Variants in TXNRD1 observed in about 807,000 individuals in gnomAD.
TXNRD1 encodes the protein thioredoxin reductase 1, cytoplasmic.
Under a neutral mutation model 80.3 loss-of-function variants are expected in TXNRD1, and 57 were observed. The ratio of observed to expected loss-of-function variants is 0.71; its 90% confidence interval spans 0.57 to 0.89. The LOEUF is 0.89. TXNRD1 is among the 40% of genes least tolerant of loss of function. The probability of loss-of-function intolerance (pLI) is 0.00; values close to 1 mark genes in which losing one functional copy is unlikely to be tolerated. For synonymous variants in TXNRD1, 291 were observed against 285.2 expected (o/e 1.02, Z -0.20); for missense variants, 730 against 803.0 (o/e 0.91, Z 1.10).
intron 2 of TXNRD1, among the ~76,000 whole-genome samples, chr12:104,255,497 G>A (rs920004986): frequency 6.6e-6 from 1 of 152,032 alleles, no homozygotes; most frequent in African/African-American, 2.4e-5. Flanking sequence ...TTATTTGCAT[G>A]CTTATTTAAA....
At chr12:104,287,114 G>A in intron 3 of TXNRD1, 5 of 1,477,984 alleles carry the variant, frequency 3.4e-6, no homozygotes, top group Non-Finnish European at 3.6e-6. Context: ...ATTCTTGTAA[G>A]CTCTGCGTCG....
At chr12:104,227,947 T>C (rs889676560) in intron 1 of TXNRD1, among the ~76,000 whole-genome samples, 3 of 152,202 alleles carry the variant, frequency 2.0e-5, no homozygotes, top group Non-Finnish European at 2.9e-5. Flanking sequence ...GATATTTAGA[T>C]TTTTTCCATT....
At chr12:104,257,201 C>T (rs996391422) in intron 2 of TXNRD1, among the ~76,000 whole-genome samples, 1 of 151,138 alleles carries the variant, frequency 6.6e-6, no homozygotes, top group Non-Finnish European at 1.5e-5. Flanking sequence ...TGTTTTTTAC[C>T]AGTATAATTT....
intron 16 of TXNRD1, among the ~76,000 whole-genome samples, chr12:104,340,508 G>GCTC (rs1024736960): frequency 1.3e-5 from 2 of 152,144 alleles, no homozygotes; most frequent in African/African-American, 4.8e-5. Flanking sequence ...GCAGGGCCAA[G>GCTC]CTCCCTCCAA....
intron 3 of TXNRD1, among the ~76,000 whole-genome samples, chr12:104,274,214 G>C (rs995800727): frequency 1.3e-5 from 2 of 152,080 alleles, no homozygotes; most frequent in African/African-American, 4.8e-5. Flanking sequence ...ATTCAAACCA[G>C]GGCCTAGAGC....
intron 3 of TXNRD1, among the ~76,000 whole-genome samples, chr12:104,283,699 C>T (rs935622185): frequency 1.3e-5 from 2 of 151,916 alleles, no homozygotes; most frequent in Non-Finnish European, 2.9e-5. Context: ...GGAGAAACCC[C>T]GTCTATACTA....
intron 4 of TXNRD1, among the ~76,000 whole-genome samples, chr12:104,307,074 C>T (rs751805774): frequency 5.3e-5 from 8 of 152,066 alleles, no homozygotes; most frequent in Non-Finnish European, 1.0e-4. Context: ...ACTTCTGTTT[C>T]TATTTTTACT....
intron 2 of TXNRD1, among the ~76,000 whole-genome samples, chr12:104,257,198 T>C (rs2033271818): frequency 1.3e-5 from 2 of 151,930 alleles, no homozygotes; most frequent in Admixed American, 6.6e-5. Flanking sequence ...TTTTGTTTTT[T>C]ACCAGTATAA....
At chr12:104,305,650 CTA>C (rs1409134185) in intron 4 of TXNRD1, among the ~76,000 whole-genome samples, 2 of 152,184 alleles carry the variant, frequency 1.3e-5, no homozygotes, top group Non-Finnish European at 2.9e-5. Context: ...TATGGAAAAA[CTA>C]TTATATTTGA....
intron 16 of TXNRD1, among the ~76,000 whole-genome samples, chr12:104,344,840 T>C (rs2036441114): frequency 6.6e-6 from 1 of 152,170 alleles, no homozygotes; most frequent in Non-Finnish European, 1.5e-5. Context: ...AATCTGCAAA[T>C]AGAGCTACCA....
chr12:104,316,667 G>A (rs2035338547), intron 7 of TXNRD1, among the ~76,000 whole-genome samples: 2 of 152,202 alleles, frequency 1.3e-5, no homozygotes, highest in South Asian at 2.1e-4. Flanking sequence ...GGGATTACAG[G>A]TGTGAGCCAC....
intron 3 of TXNRD1, among the ~76,000 whole-genome samples, chr12:104,280,062 CA>C (rs34627940): frequency 3.2e-4 from 27 of 84,614 alleles, no homozygotes; most frequent in East Asian, 2.0e-3. Flanking sequence ...GACTCTGTCT[CA>C]AAAAAAAAAA....
chr12:104,273,559 C>T (rs1440275246), intron 3 of TXNRD1, among the ~76,000 whole-genome samples: 1 of 152,154 alleles, frequency 6.6e-6, no homozygotes, highest in East Asian at 1.9e-4. Context: ...CGTCACTGCA[C>T]TCCAGTCTGG....
chr12:104,286,606 C>A, intron 3 of TXNRD1: 30 of 476,290 alleles, frequency 6.3e-5, no homozygotes, highest in Middle Eastern at 1.1e-3. Flanking sequence ...TTTTTTTAAA[C>A]GCAGAGGCCC....
At chr12:104,323,728 G>A (rs2035643750) in intron 10 of TXNRD1, among the ~76,000 whole-genome samples, 1 of 135,506 alleles carries the variant, frequency 7.4e-6, no homozygotes, top group African/African-American at 2.8e-5. Flanking sequence ...GGGCAGAGGG[G>A]CTCCTCACTT....
intron 4 of TXNRD1, among the ~76,000 whole-genome samples, chr12:104,292,392 C>T (rs374645930): frequency 2.9e-4 from 36 of 122,482 alleles, no homozygotes; most frequent in African/African-American, 7.9e-4. Flanking sequence ...CCCGCCCCCC[C>T]GCCTTTTTTT....
chr12:104,329,386 C>G (rs1486877707), intron 13 of TXNRD1, among the ~76,000 whole-genome samples: 1 of 151,810 alleles, frequency 6.6e-6, no homozygotes, highest in Non-Finnish European at 1.5e-5. Context: ...CACAGTGGCT[C>G]ACACCTGTAA....
intron 3 of TXNRD1, among the ~76,000 whole-genome samples, chr12:104,276,312 G>T (rs190479359): frequency 6.6e-6 from 1 of 152,326 alleles, no homozygotes; most frequent in Non-Finnish European, 1.5e-5. Flanking sequence ...GCAGTGACAT[G>T]TAAGTATAGA....
At chr12:104,325,774 A>G (rs1187777444) in intron 11 of TXNRD1, among the ~76,000 whole-genome samples, 3 of 151,794 alleles carry the variant, frequency 2.0e-5, no homozygotes, top group African/African-American at 4.8e-5. Context: ...CGGGACGTTG[A>G]GGCAGGAGAA....
Sources: gnomAD v4.1 joint callset for allele counts (sites outside exome capture counted in the v4.1 genomes callset) on GRCh38, gnomAD v4.1.1 for gene constraint, MANE v1.5 for transcripts, NCBI Gene and HGNC (gene_info 2026-07-23, HGNC 2026-07-21) for gene names.